The following CDH26 variants were observed in gnomAD, a reference collection of about 807,000 sequenced individuals.
CDH26 encodes cadherin-like protein 26.
CDH26 carries 83 observed loss-of-function variants against 90.3 expected under a neutral mutation model. The ratio of observed to expected loss-of-function variants is 0.92; its 90% CI spans 0.77 to 1.10. The LOEUF (loss-of-function observed/expected upper bound fraction) is 1.10, where lower values mean the gene tolerates loss of function less well. CDH26 is among the 50% of genes least tolerant of loss of function. The pLI, the probability that CDH26 is intolerant of heterozygous loss-of-function variation, is 0.00. For missense variants in CDH26, 1,013 were observed against 1,037.6 expected (o/e 0.98, Z 0.33); for synonymous variants, 397 against 396.3 (o/e 1.00, Z -0.02).
In CDH26 at chr20:59,992,015, G is replaced by A. The variant is rs1447738131; in HGVS notation, c.1284-363G>A. The stretch of plus-strand genomic sequence containing the variant: ...AAAGTCCTAGGTTTCTGTTGCAAGG[G>A]CAGGTTGGTTTTTCACACTAAGCTA... On this transcript the variant is annotated intron_variant, in intron 9 of 17. Coordinates refer to ENST00000348616, the MANE Select transcript of CDH26 (RefSeq NM_177980.4). This position sits in a 1 kb window ranked among gnomAD's most constrained non-coding sequence, Gnocchi z 5.0. Among the ~76,000 whole-genome samples, 1 of 152,180 alleles carries A rather than the reference G, an allele frequency of 6.6e-6. No homozygotes were observed. Among genetic ancestry groups the A allele is most frequent in the Non-Finnish European group, 1.5e-5 (1 of 68,026 alleles).
chr20:60,021,871 C>CAT (rs2061957312), intron 7 of CDH26, among the ~76,000 whole-genome samples: 3 of 106,076 alleles, frequency 2.8e-5, no homozygotes, highest in African/African-American at 9.3e-5. Flanking sequence ...CACACACACA[C>CAT]ACACACACAC....
intron 11 of CDH26, 130 bp from the exon 12 acceptor site, chr20:59,995,703 C>T (rs900690887): frequency 2.7e-6 from 2 of 750,836 alleles, no homozygotes; most frequent in African/African-American, 3.5e-5. Context: ...TTGAGGACCC[C>T]TCCCTCTAAC....
intron 1 of CDH26, among the ~76,000 whole-genome samples, chr20:59,961,829 T>C (rs1350919226): frequency 6.6e-6 from 1 of 152,134 alleles, no homozygotes; most frequent in African/African-American, 2.4e-5. Flanking sequence ...GCCTCTGAGC[T>C]CATATGTCCT....
chr20:60,033,349 G>C, intron 8 of CDH26: 1 of 1,159,504 alleles, frequency 8.6e-7, no homozygotes, highest in Non-Finnish European at 1.1e-6. Flanking sequence ...AACCTCCTTC[G>C]TGTACACAGG....
In CDH26 at chr20:60,012,519, T is replaced by C. The variant is rs202099468; in HGVS notation, c.2296-8T>C. On this transcript the variant is annotated splice_polypyrimidine_tract_variant and splice_region_variant and intron_variant, in intron 17 of 17. Transcript: ENST00000348616. ...CATTTACCTTCTCTTTCCCCCACTT[T>C]TCCCCAGAAACTCCATGTTGCCAAT... The C allele has an allele frequency of 6.2e-7, 1 of 1,609,602 alleles. No individual in the cohort carries two copies. Among genetic ancestry groups the C allele is most frequent in the African/African-American group, 1.3e-5 (1 of 74,738 alleles).
intron 17 of CDH26, among the ~76,000 whole-genome samples, chr20:60,008,958 C>T (rs1291127700): frequency 2.0e-5 from 3 of 152,236 alleles, no homozygotes; most frequent in African/African-American, 7.2e-5. Context: ...CTGCAGGGCC[C>T]TTCCCCAGGT....
rs924037162 is a variant in CDH26 at position 59,989,534 on chromosome 20, C to CAA, written c.1283+389_1283+390dup. Among the ~76,000 whole-genome samples, 90 of 74,776 alleles carry CAA rather than the reference C, an allele frequency of 1.2e-3. 2 individuals are homozygous for CAA. Among genetic ancestry groups the CAA allele is most frequent in the Middle Eastern group, 8.5e-3 (1 of 118 alleles). 49.1% of individuals were successfully genotyped at this position (74,776 alleles called of 152,430 possible). ...TGGGCGACAGAGCGAGACTCCGTCT[C>CAA]AAAAAAAAAAAAAAAAAAAGAAAAG... On this transcript the variant is annotated intron_variant, in intron 9 of 17. Coordinates refer to ENST00000348616, the MANE Select transcript of CDH26 (RefSeq NM_177980.4).
At chr20:59,960,727 T>A (rs2061058962) in intron 1 of CDH26, among the ~76,000 whole-genome samples, 1 of 152,230 alleles carries the variant, frequency 6.6e-6, no homozygotes, top group East Asian at 1.9e-4. Context: ...TCCCTGACTC[T>A]GCACATCGTT....
chr20:60,006,800 C>A lies in CDH26; in HGVS notation c.2295+13C>A. The A allele has an allele frequency of 6.2e-7, 1 of 1,607,204 alleles. No homozygotes were observed. Among genetic ancestry groups the A allele is most frequent in the South Asian group, 1.1e-5 (1 of 90,926 alleles). ...GACATTGAATCAGGTAGGGAGAGCTCCCCTTGTGCTGTGCACTAGCTATGG... is the reference window on the plus strand; with the variant it reads ...GACATTGAATCAGGTAGGGAGAGCTACCCTTGTGCTGTGCACTAGCTATGG... On this transcript the variant is annotated intron_variant, in intron 17 of 17. Coordinates refer to ENST00000348616, the MANE Select transcript of CDH26 (RefSeq NM_177980.4).
rs1195920004 is a variant in CDH26 at position 60,006,781 on chromosome 20, G to A, written c.2289G>A (p.Leu763=). Residue 763 remains leucine (L), a synonymous_variant, in exon 17 of 18, where the codon TTG becomes TTA. Transcript: ENST00000348616. ...TGGAAGGAAGGATGGCAGAGACATT[G>A]AATCAGGTAGGGAGAGCTCCCCTTG... ...APVEGRMAET[L]NQKLHVANVL... is the part of the protein sequence containing the mutation. 4 of 1,613,318 alleles carry A rather than the reference G, an allele frequency of 2.5e-6. No homozygotes were observed. Among genetic ancestry groups the A allele is most frequent in the Non-Finnish European group, 3.4e-6 (4 of 1,179,340 alleles).
At chr20:59,971,357 C>T (rs1050451610) in intron 3 of CDH26, among the ~76,000 whole-genome samples, 13 of 152,206 alleles carry the variant, frequency 8.5e-5, no homozygotes, top group Admixed American at 5.2e-4. Flanking sequence ...CTGTACAATG[C>T]GGTCAATGAT....
intron 7 of CDH26, among the ~76,000 whole-genome samples, chr20:60,021,481 T>C (rs1050943405): frequency 2.6e-5 from 4 of 152,158 alleles, no homozygotes; most frequent in Admixed American, 2.6e-4. Context: ...GGGAATTCTA[T>C]TTGGAACCTC....
intron 16 of CDH26, among the ~76,000 whole-genome samples, chr20:60,005,462 G>A (rs558165287): frequency 6.6e-6 from 1 of 150,928 alleles, no homozygotes; most frequent in Non-Finnish European, 1.5e-5. Flanking sequence ...GTCTGTATAT[G>A]TGCATGTGTA....
Position 59,966,011 on chromosome 20 carries a change from T to G in CDH26, c.70-2956T>G, listed in dbSNP as rs528666080. Among the ~76,000 whole-genome samples the G allele has an allele frequency of 3.3e-5, 5 of 152,196 alleles. No individual in the cohort carries two copies. In the South Asian group the frequency reaches 1.0e-3, roughly 32 times the overall value. The stretch of plus-strand genomic sequence containing the variant: ...CTATTATAGTAAAAATCTTTAATTA[T>G]TAGGAAGCTTTCATGCTTATATTGG... On this transcript the variant is annotated intron_variant, in intron 1 of 17. Transcript: ENST00000348616.
Position 59,994,285 on chromosome 20 carries a change from C to G in CDH26, c.1462C>G (p.Leu488Val). 1 of 1,613,990 alleles carries G rather than the reference C, an allele frequency of 6.2e-7. No individual in the cohort carries two copies. The highest frequency in any genetic ancestry group is 1.1e-5 in the South Asian group (1 of 91,032). Residue 488 changes from leucine (L) to valine (V), a missense_variant, in exon 11 of 18, where the codon CTC (leucine) becomes GTC (valine). Coordinates refer to ENST00000348616, the MANE Select transcript of CDH26 (RefSeq NM_177980.4). ...PPQTATGTLM[L>V]FLSDINDNVP... ...GCAGACTGCTACAGGGACCCTAATG[C>G]TCTTCCTGTCTGACATCAATGACAA...
At chr20:59,987,990 A>G (rs1440980349) in intron 8 of CDH26, among the ~76,000 whole-genome samples, 1 of 152,368 alleles carries the variant, frequency 6.6e-6, no homozygotes, top group Non-Finnish European at 1.5e-5. Flanking sequence ...TTTCTTCAAC[A>G]CTAAAAGTTC....
chr20:60,021,644 C>T (rs983707135), intron 7 of CDH26, among the ~76,000 whole-genome samples: 6 of 151,914 alleles, frequency 3.9e-5, no homozygotes, highest in Admixed American at 3.9e-4. Context: ...AGCAGTTTTG[C>T]TTATTTGTGA....
intron 4 of CDH26, among the ~76,000 whole-genome samples, chr20:59,981,208 G>A (rs186669343): frequency 1.2e-3 from 181 of 152,088 alleles, no homozygotes; most frequent in South Asian, 0.01. Flanking sequence ...ATGATTTTGC[G>A]TATTCAAATT....
At position 59,999,626 on chromosome 20, in the gene CDH26, T is replaced by G; in HGVS notation, c.2060T>G (p.Ile687Ser). ...DVEGQRPALL[I>S]CTAAAGPTQG... ...GAAGGCCAGAGGCCGGCTCTGCTCA[T>G]CTGCACAGCTGCAGCAGGACCCACG... Residue 687 changes from isoleucine to serine, a missense_variant, in exon 14 of 18, where the codon ATC (isoleucine) becomes AGC (serine). Ile to Ser is a moderately radical substitution (Grantham distance 142). Coordinates refer to ENST00000348616, the MANE Select transcript of CDH26 (RefSeq NM_177980.4). 6.2e-7 allele frequency: 1 copy of G among 1,614,210 alleles called. No individual in the cohort carries two copies. Among genetic ancestry groups the G allele is most frequent in the Non-Finnish European group, 8.5e-7 (1 of 1,180,010 alleles).
Sources: gnomAD v4.1 joint callset for allele counts (sites outside exome capture counted in the v4.1 genomes callset) on GRCh38, gnomAD v4.1.1 for gene constraint, Gnocchi (gnomAD v3.1) non-coding constraint, MANE v1.5 for transcripts, NCBI Gene and HGNC (gene_info 2026-07-23, HGNC 2026-07-21) for gene names.